Variants in KIAA1328 observed in about 807,000 individuals in gnomAD.
The protein encoded by KIAA1328 is KIAA1328.
KIAA1328 carries 52 observed loss-of-function variants against 68.1 expected under a neutral mutation model. That is an observed-to-expected ratio of 0.76 (90% CI 0.61 to 0.96). The LOEUF (loss-of-function observed/expected upper bound fraction) is 0.96. KIAA1328 is among the 40% of genes least tolerant of loss of function. KIAA1328 has a pLI of 0.00. For synonymous variants in KIAA1328, 232 were observed against 239.4 expected (o/e 0.97, Z 0.28); for missense variants, 641 against 677.6 (o/e 0.95, Z 0.60).
intron 6 of KIAA1328, among the ~76,000 whole-genome samples, chr18:37,049,672 A>G (rs1219570822): frequency 2.0e-5 from 3 of 152,284 alleles, no homozygotes; most frequent in Admixed American, 6.5e-5. Flanking sequence ...GGTCTGATCT[A>G]TAGCCACCTA....
downstream of KIAA1328, among the ~76,000 whole-genome samples, chr18:37,226,773 C>G (rs1158554255): frequency 1.1e-5 from 1 of 89,498 alleles, no homozygotes; most frequent in Non-Finnish European, 2.1e-5. Context: ...CCATGCAAAA[C>G]ATTTTTTTTT....
At chr18:36,962,114 A>G (rs1337063349) in intron 6 of KIAA1328, among the ~76,000 whole-genome samples, 3 of 152,208 alleles carry the variant, frequency 2.0e-5, no homozygotes, top group Non-Finnish European at 4.4e-5. Flanking sequence ...AAAGGGATGG[A>G]GGAAGATCTA....
intron 9 of KIAA1328, among the ~76,000 whole-genome samples, chr18:37,191,260 T>C (rs1341509688): frequency 6.6e-6 from 1 of 152,194 alleles, no homozygotes; most frequent in Non-Finnish European, 1.5e-5. Flanking sequence ...TTTAACTTCT[T>C]TTATACATGT....
intron 4 of KIAA1328, among the ~76,000 whole-genome samples, chr18:36,851,078 G>T (rs1208790231): frequency 6.6e-6 from 1 of 151,914 alleles, no homozygotes; most frequent in African/African-American, 2.4e-5. Flanking sequence ...TCATGTTTTT[G>T]TGGTTTTTTT....
intron 5 of KIAA1328, among the ~76,000 whole-genome samples, chr18:36,918,127 AAC>A (rs2049778656): frequency 1.3e-5 from 2 of 152,092 alleles, no homozygotes; most frequent in African/African-American, 4.8e-5. Context: ...TATCTGTAGT[AAC>A]ACATCCTCTT....
At chr18:37,007,246 G>A (rs2053817047) in intron 6 of KIAA1328, among the ~76,000 whole-genome samples, 1 of 152,102 alleles carries the variant, frequency 6.6e-6, no homozygotes, top group South Asian at 2.1e-4. Flanking sequence ...ATGTATTCTG[G>A]AAAATTGCAT....
Position 37,222,099 on chromosome 18 carries a change from G to A in KIAA1328, c.1606G>A (p.Ala536Thr). 6.2e-7 allele frequency: 1 copy of A among 1,613,640 alleles called. No homozygotes were observed. The highest frequency in any genetic ancestry group is 8.5e-7 in the Non-Finnish European group (1 of 1,179,780). ...ACCTCAGCGCTATCCCTCCAGAGAA[G>A]CTGGGGCCTGGAATCATGGTACTTT... is the stretch of plus-strand genomic sequence containing the variant. ...PKPQRYPSRE[A>T]GAWNHGTFRL... The change falls in exon 10 of 10, where the codon GCT becomes ACT. Residue 536 changes from alanine to threonine, a missense_variant. Coordinates refer to ENST00000280020, the MANE Select transcript of KIAA1328 (RefSeq NM_020776.3).
intron 7 of KIAA1328, among the ~76,000 whole-genome samples, chr18:37,148,412 A>C (rs2058953783): frequency 6.6e-6 from 1 of 152,142 alleles, no homozygotes; most frequent in Non-Finnish European, 1.5e-5. Context: ...TGTCTTTGCT[A>C]TTGCGAATAG....
intron 6 of KIAA1328, among the ~76,000 whole-genome samples, chr18:37,045,418 A>G (rs774845224): frequency 5.9e-5 from 9 of 152,016 alleles, no homozygotes; most frequent in Non-Finnish European, 1.0e-4. Flanking sequence ...TGTGAAATCA[A>G]TTATTTTGTT....
chr18:37,146,569 A>C (rs906182209), intron 7 of KIAA1328, among the ~76,000 whole-genome samples: 3 of 152,204 alleles, frequency 2.0e-5, no homozygotes, highest in Admixed American at 6.5e-5. Context: ...TTATGGTAGA[A>C]TGATTTATAT....
chr18:36,976,076 A>G (rs987057055), intron 6 of KIAA1328, among the ~76,000 whole-genome samples: 2 of 152,192 alleles, frequency 1.3e-5, no homozygotes, highest in Non-Finnish European at 2.9e-5. Flanking sequence ...GAACTTTCTG[A>G]TGATGTAACT....
chr18:36,872,227 A>C (rs2047970861), intron 4 of KIAA1328, among the ~76,000 whole-genome samples: 1 of 152,134 alleles, frequency 6.6e-6, no homozygotes, highest in Admixed American at 6.6e-5. Context: ...GCAGAGTTAT[A>C]TGCTGGTCCA....
At chr18:36,852,120 T>C (rs1181736541) in intron 4 of KIAA1328, among the ~76,000 whole-genome samples, 3 of 152,256 alleles carry the variant, frequency 2.0e-5, no homozygotes, top group Non-Finnish European at 4.4e-5. Context: ...TTTAGAATTT[T>C]ATTCTATTGT....
chr18:37,119,653 G>C (rs1183377703), intron 7 of KIAA1328, among the ~76,000 whole-genome samples: 3 of 152,086 alleles, frequency 2.0e-5, no homozygotes, highest in African/African-American at 7.2e-5. Flanking sequence ...CATCAAATTG[G>C]GGGTTAGGCC....
At chr18:37,068,205 G>A (rs917087206) in intron 7 of KIAA1328, among the ~76,000 whole-genome samples, 5 of 152,116 alleles carry the variant, frequency 3.3e-5, no homozygotes, top group African/African-American at 7.2e-5. Context: ...TTGAGATTTC[G>A]GGGTGTGGAA....
chr18:36,886,444 A>G (rs1208351868), intron 5 of KIAA1328: 3 of 152,212 alleles, frequency 2.0e-5, no homozygotes, highest in African/African-American at 4.8e-5. Context: ...ACGGCAGCAT[A>G]ATGCTGCCAA....
intron 5 of KIAA1328, among the ~76,000 whole-genome samples, chr18:36,926,012 T>C (rs555017822): frequency 6.6e-6 from 1 of 151,986 alleles, no homozygotes; most frequent in Non-Finnish European, 1.5e-5. Flanking sequence ...CTTAGTATTG[T>C]TTTGTTGTTC....
intron 6 of KIAA1328, among the ~76,000 whole-genome samples, chr18:37,002,749 T>C (rs2053637404): frequency 6.6e-6 from 1 of 151,912 alleles, no homozygotes; most frequent in African/African-American, 2.4e-5. Flanking sequence ...TTAATGTCAT[T>C]AAGTTGACCA....
At chr18:36,955,139 T>TG (rs1260203112) in intron 5 of KIAA1328, among the ~76,000 whole-genome samples, 76 of 63,584 alleles carry the variant, frequency 1.2e-3, no homozygotes, top group Admixed American at 3.1e-3. Context: ...GGCTATCTCC[T>TG]ATTTTTTTTT....
Sources: allele counts gnomAD v4.1 joint callset (sites outside exome capture counted in the v4.1 genomes callset), GRCh38; gene constraint gnomAD v4.1.1; transcripts MANE v1.5; gene names NCBI Gene and HGNC (gene_info 2026-07-23, HGNC 2026-07-21).